The following TOX2 variants were observed in gnomAD, a reference collection of about 807,000 sequenced individuals.
TOX2 encodes the protein TOX high mobility group box family member 2, also known as granulosa cell HMG box 1.
Under a neutral mutation model 47.4 loss-of-function variants are expected in TOX2, and 15 were observed. That is an observed-to-expected ratio of 0.32 (90% confidence interval 0.21 to 0.49). The LOEUF is 0.49. Ranked by LOEUF, TOX2 falls within the 20% of genes least tolerant of loss-of-function variation. The pLI is 0.99. For missense variants in TOX2, 622 were observed against 673.1 expected, an observed-to-expected ratio of 0.92 and a Z score of 0.84; for synonymous variants, 290 against 296.6, an observed-to-expected ratio of 0.98 and a Z score of 0.23.
chr20:44,006,131 A>G (rs1177248151), intron 2 of TOX2, among the ~76,000 whole-genome samples: 1 of 152,194 alleles, frequency 6.6e-6, no homozygotes, highest in Non-Finnish European at 1.5e-5. Flanking sequence ...TGGAATCAGG[A>G]TACTTCAGCT....
intron 1 of TOX2, among the ~76,000 whole-genome samples, chr20:43,952,122 C>T (rs11086911): frequency 0.35 from 52,426 of 151,590 alleles, 10,991 homozygotes; most frequent in African/African-American, 0.57. Context: ...AGGATGGTCT[C>T]GATCTCCTGA....
At chr20:43,923,041 T>A (rs1194376327) in intron 1 of TOX2, among the ~76,000 whole-genome samples, 2 of 151,768 alleles carry the variant, frequency 1.3e-5, no homozygotes, top group Non-Finnish European at 2.9e-5. Flanking sequence ...CTTACAGGAA[T>A]GCCAGGTGGG....
chr20:43,982,612 G>A (rs143056532), intron 2 of TOX2, among the ~76,000 whole-genome samples: 2 of 152,084 alleles, frequency 1.3e-5, no homozygotes, highest in Non-Finnish European at 2.9e-5. Context: ...GGAGCAGGGA[G>A]CTGCATGGGG....
chr20:43,987,912 C>CTTTTTTTTTT (rs762084312), intron 2 of TOX2, among the ~76,000 whole-genome samples: 2 of 70,024 alleles, frequency 2.9e-5, no homozygotes, highest in Non-Finnish European at 5.1e-5. Flanking sequence ...ATATCAACAT[C>CTTTTTTTTTT]TTTTTTTTTT....
chr20:43,945,806 ATGGGGGG>A, intron 1 of TOX2: 3 of 1,482,122 alleles, frequency 2.0e-6, no homozygotes, highest in Non-Finnish European at 2.8e-6. Context: ...TACGAATGGG[ATGGGGGG>A]TGGGGGTGCT....
In TOX2 at chr20:44,069,298, C is replaced by T. The variant is rs1021779784; in HGVS notation, c.*612C>T. The T allele has an allele frequency of 6.9e-5, 12 of 175,166 alleles. No homozygotes were observed. Among genetic ancestry groups the T allele is most frequent in the Admixed American group, 6.8e-4 (12 of 17,736 alleles). The allele number at this position is 175,166 out of a possible 1,614,324, so 10.9% of individuals were successfully genotyped here. A position where few individuals can be genotyped will look rare whatever the true frequency, so the allele number is the denominator to read the frequency against. The stretch of plus-strand genomic sequence containing the variant: ...TTTAAGTTTTATCTTAAGGGAGACG[C>T]GCACAAAAGCGGCTGCCAAACCGTT... On this transcript the variant is annotated 3_prime_UTR_variant, in exon 9 of 9. Transcript: ENST00000341197.
chr20:43,968,103 C>T (rs139526613), intron 1 of TOX2, among the ~76,000 whole-genome samples: 189 of 152,282 alleles, frequency 1.2e-3, no homozygotes, highest in African/African-American at 4.2e-3. Context: ...CGTCATCTGC[C>T]GATCATCCGT....
chr20:43,955,329 C>A (rs2069649060), intron 1 of TOX2: 3 of 983,290 alleles, frequency 3.1e-6, no homozygotes, highest in Non-Finnish European at 1.2e-6. Flanking sequence ...GGGCCTCTGG[C>A]AGCCATCGCA....
Position 44,068,884 on chromosome 20 carries a change from C to G in TOX2, c.*198C>G, listed in dbSNP as rs764515781. The G allele has an allele frequency of 1.3e-6, 1 of 765,668 alleles. No individual in the cohort carries two copies. Among genetic ancestry groups the G allele is most frequent in the South Asian group, 1.5e-5 (1 of 67,818 alleles). 47.4% of individuals were successfully genotyped at this position (765,668 alleles called of 1,614,324 possible). On this transcript the variant is annotated 3_prime_UTR_variant, in exon 9 of 9. Transcript: ENST00000341197. Reference sequence around the variant, plus strand: ...GAGGCAGCCCACTGCCCACCACCAGCCCAAAGAACCTGCAGGAACCTTCCG... The same window carrying G: ...GAGGCAGCCCACTGCCCACCACCAGGCCAAAGAACCTGCAGGAACCTTCCG...
chr20:44,045,455 A>T (rs2071397785), intron 3 of TOX2, among the ~76,000 whole-genome samples: 1 of 152,238 alleles, frequency 6.6e-6, no homozygotes, highest in African/African-American at 2.4e-5. Flanking sequence ...TCATTTGTCC[A>T]TCTTGAAGTC....
chr20:43,977,363 G>A (rs537604640), intron 2 of TOX2, among the ~76,000 whole-genome samples: 13 of 152,216 alleles, frequency 8.5e-5, no homozygotes, highest in African/African-American at 2.4e-4. Flanking sequence ...CGCCCACCTC[G>A]GCCTCCCAAA....
intron 1 of TOX2, among the ~76,000 whole-genome samples, chr20:43,933,149 T>C (rs1186414418): frequency 1.3e-5 from 2 of 152,202 alleles, no homozygotes; most frequent in African/African-American, 2.4e-5. Context: ...GGGGACCACG[T>C]TGACCCCCAC....
chr20:44,051,223 C>G, intron 3 of TOX2, 83 bp from the exon 4 acceptor site: 2 of 1,511,916 alleles, frequency 1.3e-6, no homozygotes, highest in South Asian at 2.7e-5. Context: ...TCTGCATTCC[C>G]TCCTCTAAGT....
At position 43,915,182 on chromosome 20, in the gene TOX2, G is replaced by C. The variant is rs1325528838; in HGVS notation, c.99+192G>C. 6.6e-6 allele frequency among the ~76,000 whole-genome samples: 1 copy of C among 152,056 alleles called. No individual in the cohort carries two copies. Among genetic ancestry groups the C allele is most frequent in the Non-Finnish European group, 1.5e-5 (1 of 67,992 alleles). ...TGGGATCGCGGGCAGAAGTCATCCC[G>C]ACAGCCACCCGTGCGACGACACAGT... On this transcript the variant is annotated intron_variant, in intron 1 of 8. Transcript: ENST00000341197. This position sits in a 1 kb window ranked among gnomAD's most constrained non-coding sequence, Gnocchi z 7.1.
intron 3 of TOX2, among the ~76,000 whole-genome samples, chr20:44,040,948 C>T (rs145456217): frequency 1.3e-5 from 2 of 152,102 alleles, no homozygotes; most frequent in African/African-American, 2.4e-5. Flanking sequence ...AGCCGACAGA[C>T]AGGGGAGACA....
chr20:43,918,745 G>C (rs2069084039), intron 1 of TOX2, among the ~76,000 whole-genome samples: 1 of 152,144 alleles, frequency 6.6e-6, no homozygotes, highest in Admixed American at 6.5e-5. Flanking sequence ...CCTGCAGGTG[G>C]ACATTTGGGT....
intron 3 of TOX2, among the ~76,000 whole-genome samples, chr20:44,023,038 C>A (rs2071000076): frequency 6.6e-6 from 1 of 150,854 alleles, no homozygotes; most frequent in Non-Finnish European, 1.5e-5. Context: ...AGGGGGGAAG[C>A]TTCAGACCAT....
At chr20:43,934,798 T>TTGTG (rs148972789) in intron 1 of TOX2, among the ~76,000 whole-genome samples, 6,981 of 147,760 alleles carry the variant, frequency 0.047, 376 homozygotes, top group Admixed American at 0.13. Flanking sequence ...GTGTGTGTGT[T>TTGTG]TGTGTGTGTG....
Position 43,983,314 on chromosome 20 carries a change from C to T in TOX2, c.165+9882C>T, listed in dbSNP as rs1220688221. 2.0e-5 allele frequency among the ~76,000 whole-genome samples: 3 copies of T among 152,140 alleles called. No individual in the cohort carries two copies. In the East Asian group the frequency reaches 5.8e-4, roughly 29 times the overall value. On this transcript the variant is annotated intron_variant, in intron 2 of 8. Transcript: ENST00000341197. The stretch of plus-strand genomic sequence containing the variant: ...GAGTTCGTGATTCTTGCTCTTGGTT[C>T]CAGCACCACCATCATGTTTGTGCAG...
Sources: gnomAD v4.1 joint callset for allele counts (sites outside exome capture counted in the v4.1 genomes callset) on GRCh38, gnomAD v4.1.1 for gene constraint, Gnocchi (gnomAD v3.1) non-coding constraint, MANE v1.5 for transcripts, NCBI Gene and HGNC (gene_info 2026-07-23, HGNC 2026-07-21) for gene names.